Variants in PDXDC1 observed in about 807,000 individuals in gnomAD.
PDXDC1 encodes the protein pyridoxal-dependent decarboxylase domain-containing protein 1.
PDXDC1 carries 42 observed loss-of-function variants against 100.1 expected under a neutral mutation model. That is an observed-to-expected ratio of 0.42 (90% CI 0.33 to 0.54). PDXDC1 has a LOEUF of 0.54. Ranked by LOEUF, PDXDC1 falls within the 20% of genes least tolerant of loss-of-function variation. The pLI is 0.10. For synonymous variants in PDXDC1, 260 were observed against 371.7 expected, an observed-to-expected ratio of 0.70 and a Z score of 3.46; for missense variants, 636 against 979.2, an observed-to-expected ratio of 0.65 and a Z score of 4.68.
rs1304268352 is a variant in PDXDC1 at position 15,109,589 on chromosome 16, G to C, written c.1400-29290G>C. ...TAAGAATCGTTTGAACCTGGGAGGC[G>C]GAGGTTGCAGTGAGCCAAGATCATG... On this transcript the variant is annotated intron_variant, in intron 16 of 16. Transcript: ENST00000535621. Among the ~76,000 whole-genome samples, 2 of 126,750 alleles carry C rather than the reference G, an allele frequency of 1.6e-5. 1 individual carries two copies. The highest frequency in any genetic ancestry group is 3.3e-5 in the Non-Finnish European group (2 of 61,082). 83.2% of individuals were successfully genotyped at this position (126,750 alleles called of 152,430 possible).
chr16:15,115,198 G>GCC (rs2047203740), intron 16 of PDXDC1, among the ~76,000 whole-genome samples: 1 of 142,092 alleles, frequency 7.0e-6, no homozygotes, highest in Non-Finnish European at 1.5e-5. Context: ...CTCCCAAAGT[G>GCC]CTGGGATTAC....
intron 16 of PDXDC1, among the ~76,000 whole-genome samples, chr16:15,095,706 C>G (rs2046330391): frequency 6.6e-6 from 1 of 151,956 alleles, no homozygotes; most frequent in African/African-American, 2.4e-5. Flanking sequence ...ACAAAATTAG[C>G]CAGGCATGGT....
chr16:15,057,158 C>T (rs2044555248), intron 16 of PDXDC1, among the ~76,000 whole-genome samples: 2 of 152,142 alleles, frequency 1.3e-5, no homozygotes, highest in Non-Finnish European at 2.9e-5. Flanking sequence ...TCATAAATCT[C>T]CCCCTCAGCT....
At chr16:15,034,642 C>A in intron 21 of PDXDC1, 89 bp downstream of exon 21, 1 of 939,276 alleles carries the variant, frequency 1.1e-6, no homozygotes. Flanking sequence ...CACTGAGAAT[C>A]CCGCCCTGGT....
At chr16:14,988,870 G>C (rs1970027955) in intron 1 of PDXDC1, 1 of 1,613,968 alleles carries the variant, frequency 6.2e-7, no homozygotes, top group Admixed American at 1.7e-5. Flanking sequence ...TGGAGGGTCA[G>C]CCTCCACAGG....
At chr16:15,015,891 A>G (rs1161363802) in intron 8 of PDXDC1, 2 of 1,009,282 alleles carry the variant, frequency 2.0e-6, no homozygotes, top group East Asian at 3.1e-5. Flanking sequence ...AAATAAGTAT[A>G]TAAAAGAATT....
chr16:15,090,769 T>A (rs1786044886), intron 16 of PDXDC1, among the ~76,000 whole-genome samples: 2 of 152,080 alleles, frequency 1.3e-5, no homozygotes, highest in South Asian at 4.1e-4. Flanking sequence ...TAAACCATTC[T>A]CTTCAAAACT....
chr16:14,983,452 G>A (rs1968473463), intron 1 of PDXDC1, among the ~76,000 whole-genome samples: 3 of 152,078 alleles, frequency 2.0e-5, no homozygotes, highest in Non-Finnish European at 4.4e-5. Flanking sequence ...ATGTGCCTGT[G>A]GTCCCAGCTA....
chr16:15,136,941 T>A, intron 16 of PDXDC1: 2 of 1,579,176 alleles, frequency 1.3e-6, no homozygotes, highest in Non-Finnish European at 1.7e-6. Flanking sequence ...CGGTTCTGGA[T>A]GCTGAGGTCG....
chr16:15,140,114 A>AAAAAG (rs1567327369), downstream of PDXDC1, among the ~76,000 whole-genome samples: 24 of 148,460 alleles, frequency 1.6e-4, no homozygotes, highest in African/African-American at 5.7e-4. Flanking sequence ...AAAAAAAAAA[A>AAAAAG]AAAAGAAAAG....
chr16:15,005,259 T>C (rs565921187), intron 5 of PDXDC1, among the ~76,000 whole-genome samples: 3 of 147,272 alleles, frequency 2.0e-5, no homozygotes, highest in Admixed American at 1.4e-4. Flanking sequence ...CTCTGGACGC[T>C]GAGGCACTGC....
intron 1 of PDXDC1, among the ~76,000 whole-genome samples, chr16:14,979,178 C>G (rs1169351186): frequency 1.3e-5 from 2 of 152,282 alleles, no homozygotes; most frequent in African/African-American, 2.4e-5. Context: ...ATGCTAGCCA[C>G]ATTTCAAGTG....
intron 21 of PDXDC1, 108 bp from the exon 22 acceptor site, chr16:15,035,341 C>T (rs1011820404): frequency 5.3e-6 from 3 of 567,088 alleles, no homozygotes; most frequent in Admixed American, 7.1e-5. Flanking sequence ...GTGGCAGGCT[C>T]AGTGGCTGGA....
chr16:14,986,541 T>C lies in PDXDC1; in HGVS notation c.22-11212T>C, dbSNP rs2151215034. 2.0e-5 allele frequency among the ~76,000 whole-genome samples: 3 copies of C among 152,414 alleles called. No homozygotes were observed. In the South Asian group the frequency reaches 6.2e-4, roughly 32 times the overall value. ...TTCTTAGGAAAGGAGAATTAAATCA[T>C]ACCTATCATGCAACTGTGTTAGATA... On this transcript the variant is annotated intron_variant, in intron 1 of 22. Coordinates refer to ENST00000396410, the MANE Select transcript of PDXDC1 (RefSeq NM_015027.4).
At chr16:15,027,756 CAATGTGT>C (rs2042725729) in intron 14 of PDXDC1, among the ~76,000 whole-genome samples, 1 of 152,300 alleles carries the variant, frequency 6.6e-6, no homozygotes, top group African/African-American at 2.4e-5. Context: ...CTTTTTCCAC[CAATGTGT>C]TCCTCTGGCC....
At chr16:15,077,298 G>A (rs917336458) in intron 16 of PDXDC1, among the ~76,000 whole-genome samples, 9 of 152,052 alleles carry the variant, frequency 5.9e-5, no homozygotes, top group Non-Finnish European at 1.3e-4. Flanking sequence ...ATCTTGAATC[G>A]TACTCCTCCT....
intron 12 of PDXDC1, among the ~76,000 whole-genome samples, chr16:15,021,764 T>G (rs2042225325): frequency 6.6e-6 from 1 of 152,290 alleles, no homozygotes; most frequent in Non-Finnish European, 1.5e-5. Flanking sequence ...AGCCATGCCT[T>G]ATAGTCCACA....
At chr16:15,071,239 C>T in intron 16 of PDXDC1, 3 of 1,609,854 alleles carry the variant, frequency 1.9e-6, no homozygotes, top group Non-Finnish European at 2.5e-6. Flanking sequence ...TCCAAAAATG[C>T]CTCTGCGAAT....
chr16:15,087,943 C>T (rs1045549748), intron 16 of PDXDC1, among the ~76,000 whole-genome samples: 15 of 151,788 alleles, frequency 9.9e-5, no homozygotes, highest in Admixed American at 3.3e-4. Flanking sequence ...GGAGAAACCC[C>T]GTCTCTACTA....
Sources: allele counts gnomAD v4.1 joint callset (sites outside exome capture counted in the v4.1 genomes callset), GRCh38; gene constraint gnomAD v4.1.1; transcripts MANE v1.5; gene names NCBI Gene and HGNC (gene_info 2026-07-23, HGNC 2026-07-21).